The following NEK6 variants were observed in gnomAD, a reference collection of about 807,000 sequenced individuals.
NEK6 encodes serine/threonine-protein kinase Nek6.
Under a neutral mutation model 43.5 loss-of-function variants are expected in NEK6, and 27 were observed. The ratio of observed to expected loss-of-function variants is 0.62; its 90% CI spans 0.46 to 0.86. NEK6 has a LOEUF of 0.86. Among genes scored for constraint, NEK6 ranks in the 40% least tolerant of loss-of-function variants. The probability of loss-of-function intolerance (pLI) is 0.00; values close to 1 mark genes in which losing one functional copy is unlikely to be tolerated. For synonymous variants in NEK6, 167 were observed against 164.1 expected, an observed-to-expected ratio of 1.02 and a Z score of -0.14; for missense variants, 318 against 414.4, an observed-to-expected ratio of 0.77 and a Z score of 2.02.
rs1588431192 is a variant in NEK6, at chr9:124,262,959, T to G, written c.-30+4874T>G. Reference sequence around the variant, plus strand: ...GCGGGGTGGGTCATGTTGACCTGGGTGAACAGAGATCCCTTTAAGAAGAAC... The same window carrying G: ...GCGGGGTGGGTCATGTTGACCTGGGGGAACAGAGATCCCTTTAAGAAGAAC... On this transcript the variant is annotated intron_variant, in intron 1 of 9. Coordinates refer to ENST00000320246, the MANE Select transcript of NEK6 (RefSeq NM_014397.6). 2.0e-5 allele frequency: 3 copies of G among 152,200 alleles called. No homozygotes were observed. In the East Asian group the frequency reaches 5.8e-4, roughly 29 times the overall value. The allele number at this position is 152,200 out of a possible 1,614,324, so 9.4% of individuals were successfully genotyped here.
At chr9:124,282,522 TC>T (rs1831962499) in intron 1 of NEK6, among the ~76,000 whole-genome samples, 1 of 152,100 alleles carries the variant, frequency 6.6e-6, no homozygotes, top group Non-Finnish European at 1.5e-5. Flanking sequence ...GGAGGGCAGG[TC>T]CAGGGAGCCT....
intron 9 of NEK6, among the ~76,000 whole-genome samples, chr9:124,349,932 C>T (rs887561717): frequency 3.9e-5 from 6 of 152,244 alleles, no homozygotes; most frequent in Admixed American, 3.3e-4. Flanking sequence ...AATGCCCCAT[C>T]AGCTGAGAGG....
At chr9:124,261,881 G>A (rs561191850) in intron 1 of NEK6, among the ~76,000 whole-genome samples, 7 of 152,288 alleles carry the variant, frequency 4.6e-5, no homozygotes, top group Middle Eastern at 3.5e-3. Context: ...CACATTTCTG[G>A]CATTGATGGA....
chr9:124,258,675 A>AG (rs1429621708), intron 1 of NEK6, among the ~76,000 whole-genome samples: 1 of 152,158 alleles, frequency 6.6e-6, no homozygotes, highest in East Asian at 1.9e-4. Flanking sequence ...CGAGCCAGGG[A>AG]GCCCGTGGAG....
intron 1 of NEK6, among the ~76,000 whole-genome samples, chr9:124,284,570 T>G (rs1005966618): frequency 6.6e-6 from 1 of 152,244 alleles, no homozygotes; most frequent in Non-Finnish European, 1.5e-5. Flanking sequence ...AGCACAAAAT[T>G]CCCAGTTAAT....
At chr9:124,296,935 C>CA (rs1175933794) in intron 1 of NEK6, among the ~76,000 whole-genome samples, 1 of 152,240 alleles carries the variant, frequency 6.6e-6, no homozygotes, top group Non-Finnish European at 1.5e-5. Flanking sequence ...TCCCTTCCAG[C>CA]AGGTGCCTGG....
At chr9:124,330,200 TAGG>T (rs1828901145) in intron 7 of NEK6, among the ~76,000 whole-genome samples, 3 of 152,016 alleles carry the variant, frequency 2.0e-5, no homozygotes, top group Admixed American at 6.6e-5. Context: ...GTGTCAGAAA[TAGG>T]AGCCGTAATT....
At chr9:124,287,829 GAAAA>G (rs752785742) in intron 1 of NEK6, among the ~76,000 whole-genome samples, 1 of 149,942 alleles carries the variant, frequency 6.7e-6, no homozygotes, top group East Asian at 2.0e-4. Context: ...TCTCAAAAAA[GAAAA>G]AAAAACCGCC....
At chr9:124,296,687 C>T (rs760087175) in intron 1 of NEK6, among the ~76,000 whole-genome samples, 1 of 152,222 alleles carries the variant, frequency 6.6e-6, no homozygotes, top group Non-Finnish European at 1.5e-5. Context: ...CAAGCTCATG[C>T]CCCCAAACCT....
chr9:124,258,394 C>A, intron 1 of NEK6: 1 of 958,876 alleles, frequency 1.0e-6, no homozygotes, highest in Non-Finnish European at 1.2e-6. Context: ...GCATGGCTCC[C>A]CGCTACCCAC....
chr9:124,277,564 C>T (rs987001479), intron 1 of NEK6, among the ~76,000 whole-genome samples: 1 of 152,224 alleles, frequency 6.6e-6, no homozygotes, highest in Non-Finnish European at 1.5e-5. Context: ...CCTCTCTCGG[C>T]TTTCCTGTGA....
In NEK6 at chr9:124,302,148, C is replaced by T. The variant is rs569259542; in HGVS notation, c.90+94C>T. 3 of 837,726 alleles carry T rather than the reference C, an allele frequency of 3.6e-6. No individual in the cohort carries two copies. The East Asian group carries it at 8.3e-5, about 23-fold the overall frequency. 51.9% of individuals were successfully genotyped at this position (837,726 alleles called of 1,614,324 possible). Reference sequence around the variant, plus strand: ...TTGTCCAAACTCCTACTGGTGGAAACCCTTCAGCTCCCTGAAACAGAACCT... The same window carrying T: ...TTGTCCAAACTCCTACTGGTGGAAATCCTTCAGCTCCCTGAAACAGAACCT... On this transcript the variant is annotated intron_variant, in intron 2 of 9. Coordinates refer to ENST00000320246, the MANE Select transcript of NEK6 (RefSeq NM_014397.6).
At chr9:124,295,702 G>T (rs1357338713) in intron 1 of NEK6, among the ~76,000 whole-genome samples, 1 of 152,238 alleles carries the variant, frequency 6.6e-6, no homozygotes, top group Non-Finnish European at 1.5e-5. Context: ...GCACCTGCCT[G>T]GCGCATGTGT....
intron 5 of NEK6, 86 bp downstream of exon 5, chr9:124,321,655 T>C (rs912954270): frequency 2.7e-5 from 24 of 898,686 alleles, no homozygotes; most frequent in Non-Finnish European, 3.4e-5. Context: ...AGTCCCACAA[T>C]GCTCTGCCTT....
chr9:124,351,838 C>T lies in NEK6; in HGVS notation c.*891C>T, dbSNP rs1430750213. The stretch of plus-strand genomic sequence containing the variant: ...ATCTGTACAATGAGATTAATAGTAC[C>T]TATCATCTACCTTCAGGATTGCTGA... On this transcript the variant is annotated 3_prime_UTR_variant, in exon 10 of 10. Coordinates refer to ENST00000320246, the MANE Select transcript of NEK6 (RefSeq NM_014397.6). 6.6e-6 allele frequency: 1 copy of T among 152,206 alleles called. No individual in the cohort carries two copies. The highest frequency in any genetic ancestry group is 1.5e-5 in the Non-Finnish European group (1 of 68,046). The allele number at this position is 152,206 out of a possible 1,614,324, so 9.4% of individuals were successfully genotyped here.
chr9:124,347,272 C>T (rs1166768888), intron 8 of NEK6, among the ~76,000 whole-genome samples: 1 of 152,242 alleles, frequency 6.6e-6, no homozygotes, highest in African/African-American at 2.4e-5. Context: ...AATGTCAGTC[C>T]ATAGGTAAGG....
intron 1 of NEK6, among the ~76,000 whole-genome samples, chr9:124,270,077 C>G (rs570525069): frequency 1.2e-4 from 18 of 152,286 alleles, no homozygotes; most frequent in East Asian, 1.2e-3. Context: ...ACGCCCCCCC[C>G]CCATGCTGTC....
chr9:124,317,402 G>C (rs137913595), intron 4 of NEK6, among the ~76,000 whole-genome samples: 1 of 152,078 alleles, frequency 6.6e-6, no homozygotes, highest in Non-Finnish European at 1.5e-5. Context: ...TTGTAGAGAC[G>C]GGGTTTCACC....
At chr9:124,330,432 G>A (rs117278658) in intron 7 of NEK6, among the ~76,000 whole-genome samples, 340 of 152,230 alleles carry the variant, frequency 2.2e-3, no homozygotes, top group Non-Finnish European at 4.3e-3. Flanking sequence ...GAGAGCGGGC[G>A]GGCAGGCCTG....
Sources: gnomAD v4.1 joint callset for allele counts (sites outside exome capture counted in the v4.1 genomes callset) on GRCh38, gnomAD v4.1.1 for gene constraint, MANE v1.5 for transcripts, NCBI Gene and HGNC (gene_info 2026-07-23, HGNC 2026-07-21) for gene names.